Variants in TMEFF2 observed in about 807,000 individuals in gnomAD.
TMEFF2 encodes tomoregulin-2.
Under a neutral mutation model 53.8 loss-of-function variants are expected in TMEFF2, and 28 were observed. The ratio of observed to expected loss-of-function variants is 0.52; its 90% CI spans 0.39 to 0.71. The LOEUF (loss-of-function observed/expected upper bound fraction) is 0.71, where lower values mean the gene tolerates loss of function less well. Ranked by LOEUF, TMEFF2 falls within the 30% of genes least tolerant of loss-of-function variation. The probability of loss-of-function intolerance (pLI) is 0.00; values close to 1 mark genes in which losing one functional copy is unlikely to be tolerated. For missense variants in TMEFF2, 353 were observed against 455.2 expected, an observed-to-expected ratio of 0.78 and a Z score of 2.04; for synonymous variants, 162 against 166.3, an observed-to-expected ratio of 0.97 and a Z score of 0.20.
chr2:192,057,643 A>C, intron 5 of TMEFF2, 36 bp downstream of exon 5: 1 of 1,538,082 alleles, frequency 6.5e-7, no homozygotes, highest in Non-Finnish European at 9.0e-7. Context: ...AATCACTGTC[A>C]TTATTTTGTC....
intron 7 of TMEFF2, among the ~76,000 whole-genome samples, chr2:191,991,939 A>G (rs192656678): frequency 6.6e-4 from 100 of 152,260 alleles, no homozygotes; most frequent in African/African-American, 1.9e-3. Context: ...GGGGAAAACA[A>G]TGAAAGCACA....
chr2:192,106,333 T>C lies in TMEFF2; in HGVS notation c.440-48558A>G, dbSNP rs188540753. On this transcript the variant is annotated intron_variant, in intron 4 of 9. Coordinates refer to ENST00000272771, the MANE Select transcript of TMEFF2 (RefSeq NM_016192.4). ...ATGTACTACTTTGTGGGGTTAGAAG[T>C]GAAACTTGGTACATATGGGAGTTAT... 1.1e-3 allele frequency among the ~76,000 whole-genome samples: 173 copies of C among 151,802 alleles called. 1 individual carries two copies. Among genetic ancestry groups the C allele is most frequent in the Admixed American group, 6.8e-3 (103 of 15,244 alleles).
chr2:192,191,245 A>C (rs1281536550), intron 2 of TMEFF2, among the ~76,000 whole-genome samples: 1 of 152,208 alleles, frequency 6.6e-6, no homozygotes, highest in Non-Finnish European at 1.5e-5. Flanking sequence ...AAAGAAATTA[A>C]CACAAGAAAA....
chr2:192,075,285 T>TTATATATATATATATATATA (rs111733023), intron 4 of TMEFF2, among the ~76,000 whole-genome samples: 1 of 65,776 alleles, frequency 1.5e-5, no homozygotes, highest in Non-Finnish European at 2.7e-5. Flanking sequence ...TACAGTACTA[T>TTATATATATATATATATATA]TATATATATA....
chr2:191,964,418 TTC>T (rs769484604), intron 7 of TMEFF2, among the ~76,000 whole-genome samples: 1 of 131,490 alleles, frequency 7.6e-6, no homozygotes, highest in African/African-American at 3.0e-5. Flanking sequence ...CTTTCTTTCT[TTC>T]TTTCTTTCTT....
intron 4 of TMEFF2, among the ~76,000 whole-genome samples, chr2:192,063,354 T>G (rs1220379428): frequency 1.3e-5 from 2 of 151,926 alleles, no homozygotes; most frequent in Non-Finnish European, 2.9e-5. Context: ...GGTTTTCAAA[T>G]GTATATTATT....
chr2:191,963,195 C>T (rs1306904858), intron 7 of TMEFF2, among the ~76,000 whole-genome samples: 1 of 152,132 alleles, frequency 6.6e-6, no homozygotes, highest in Non-Finnish European at 1.5e-5. Context: ...TCAAGCTGCT[C>T]TCAGGAGACA....
At chr2:192,145,455 C>A (rs1455472480) in intron 4 of TMEFF2, among the ~76,000 whole-genome samples, 4 of 151,736 alleles carry the variant, frequency 2.6e-5, no homozygotes, top group African/African-American at 9.7e-5. Flanking sequence ...GTAAGCAATT[C>A]CTTGGCAGTA....
In TMEFF2 at chr2:192,194,918, C is replaced by T; in HGVS notation, c.-394G>A. Reference sequence around the variant, plus strand: ...CCCGGCAGCCGCCTCTCGAGCTCTGCCGCCCGCATCCCTCTGGCGTTTGGG... The same window carrying T: ...CCCGGCAGCCGCCTCTCGAGCTCTGTCGCCCGCATCCCTCTGGCGTTTGGG... On this transcript the variant is annotated 5_prime_UTR_variant, in exon 1 of 10. Transcript: ENST00000272771. This position sits in a 1 kb window ranked among gnomAD's most constrained non-coding sequence, Gnocchi z 4.2. 4.6e-6 allele frequency: 1 copy of T among 215,120 alleles called. No individual in the cohort carries two copies. Among genetic ancestry groups the T allele is most frequent in the Non-Finnish European group, 9.3e-6 (1 of 106,972 alleles). 13.3% of individuals were successfully genotyped at this position (215,120 alleles called of 1,614,324 possible).
chr2:192,151,955 C>T (rs1279625101), intron 4 of TMEFF2, among the ~76,000 whole-genome samples: 1 of 151,734 alleles, frequency 6.6e-6, no homozygotes, highest in East Asian at 1.9e-4. Flanking sequence ...GGTAATTGTT[C>T]AGGAACCTTG....
At chr2:192,101,648 T>C (rs140697090) in intron 4 of TMEFF2, among the ~76,000 whole-genome samples, 11 of 152,316 alleles carry the variant, frequency 7.2e-5, no homozygotes, top group African/African-American at 2.4e-4. Flanking sequence ...TGAGCTGGGA[T>C]AGGAACCCTG....
At chr2:191,971,471 C>A (rs988951644) in intron 7 of TMEFF2, among the ~76,000 whole-genome samples, 13 of 152,088 alleles carry the variant, frequency 8.5e-5, no homozygotes, top group African/African-American at 2.9e-4. Flanking sequence ...GAGTTGGGAG[C>A]GAAATATGAC....
At chr2:192,035,171 T>TG (rs1467331131) in intron 5 of TMEFF2, 7 of 137,308 alleles carry the variant, frequency 5.1e-5, no homozygotes, top group East Asian at 3.9e-4. Flanking sequence ...AACGATCTTT[T>TG]TTTTGTTTGT....
At chr2:192,107,153 A>C (rs902249686) in intron 4 of TMEFF2, among the ~76,000 whole-genome samples, 8 of 151,792 alleles carry the variant, frequency 5.3e-5, no homozygotes, top group Non-Finnish European at 8.9e-5. Context: ...TTCTCTATTT[A>C]CTGTGGAGTT....
intron 4 of TMEFF2, among the ~76,000 whole-genome samples, chr2:192,087,265 A>C (rs184915008): frequency 6.6e-6 from 1 of 152,210 alleles, no homozygotes; most frequent in Admixed American, 6.6e-5. Context: ...TAGGAAGTAC[A>C]TGCAACACCT....
intron 4 of TMEFF2, among the ~76,000 whole-genome samples, chr2:192,159,385 C>A (rs1690581596): frequency 6.6e-6 from 1 of 152,110 alleles, no homozygotes; most frequent in Non-Finnish European, 1.5e-5. Flanking sequence ...CTACAGTAAC[C>A]AGATTGGCTC....
chr2:192,177,075 T>G (rs765793659), intron 4 of TMEFF2: 1 of 151,218 alleles, frequency 6.6e-6, no homozygotes, highest in Non-Finnish European at 1.5e-5. Flanking sequence ...ATTAATTAAA[T>G]ACACATTACT....
intron 5 of TMEFF2, chr2:192,029,053 C>T (rs1687048034): frequency 1.3e-5 from 2 of 152,100 alleles, no homozygotes; most frequent in Admixed American, 6.6e-5. Flanking sequence ...TAACAGGCCA[C>T]AATGATGCTA....
intron 7 of TMEFF2, among the ~76,000 whole-genome samples, chr2:191,972,308 C>CT (rs764218539): frequency 0.033 from 2,433 of 72,772 alleles, 386 homozygotes; most frequent in African/African-American, 0.057. Flanking sequence ...TCATGCCCAG[C>CT]TTTTTTTTTT....
Sources: allele counts gnomAD v4.1 joint callset (sites outside exome capture counted in the v4.1 genomes callset), GRCh38; gene constraint gnomAD v4.1.1; non-coding constraint Gnocchi (gnomAD v3.1); transcripts MANE v1.5; gene names NCBI Gene and HGNC (gene_info 2026-07-23, HGNC 2026-07-21).